Variants in DACH1 observed in about 807,000 individuals in gnomAD.
DACH1 encodes dachshund homolog 1.
Under a neutral mutation model 54.2 loss-of-function variants are expected in DACH1, and 12 were observed. The ratio of observed to expected loss-of-function variants is 0.22; its 90% confidence interval spans 0.14 to 0.36. DACH1 has a LOEUF of 0.36. Among genes scored for constraint, DACH1 ranks in the 10% least tolerant of loss-of-function variants. DACH1 has a pLI of 1.00. For missense variants in DACH1, 805 were observed against 929.8 expected, an observed-to-expected ratio of 0.87 and a Z score of 1.75; for synonymous variants, 386 against 366.2, an observed-to-expected ratio of 1.05 and a Z score of -0.62.
chr13:71,501,579 G>C (rs1467860855), intron 6 of DACH1, among the ~76,000 whole-genome samples: 1 of 152,176 alleles, frequency 6.6e-6, no homozygotes, highest in East Asian at 1.9e-4. Context: ...GATTTGCCTT[G>C]AGATGACCAT....
Position 71,747,307 on chromosome 13 carries a change from C to T in DACH1, c.849-65397G>A, listed in dbSNP as rs1335745790. ...AAATCAGTCATCCCAGGCCTGGCGT[C>T]GTGGCTCATGCCTGTAATCCTGGCA... On this transcript the variant is annotated intron_variant, in intron 1 of 10. Coordinates refer to ENST00000613252, the MANE Select transcript of DACH1 (RefSeq NM_080759.6). Among the ~76,000 whole-genome samples the T allele has an allele frequency of 3.3e-5, 5 of 151,960 alleles. 1 individual carries two copies. Among genetic ancestry groups the T allele is most frequent in the Middle Eastern group, 6.3e-3 (2 of 316 alleles).
intron 1 of DACH1, among the ~76,000 whole-genome samples, chr13:71,778,496 A>G (rs1283597866): frequency 6.6e-6 from 1 of 152,144 alleles, no homozygotes; most frequent in Non-Finnish European, 1.5e-5. Context: ...TTATAGCTTT[A>G]TAATGTTGAA....
chr13:71,483,201 A>T (rs1878200863), intron 7 of DACH1, among the ~76,000 whole-genome samples: 1 of 151,900 alleles, frequency 6.6e-6, no homozygotes, highest in African/African-American at 2.4e-5. Flanking sequence ...TGACAGGAAC[A>T]AAGAAGAGAA....
In DACH1 at chr13:71,682,018, C is replaced by T. The variant is rs552429341; in HGVS notation, c.849-108G>A. The T allele has an allele frequency of 5.2e-4, 317 of 614,452 alleles. 1 individual carries two copies. In the African/African-American group the frequency reaches 5.4e-3, roughly 10 times the overall value. The allele number at this position is 614,452 out of a possible 1,614,324, so 38.1% of individuals were successfully genotyped here. On this transcript the variant is annotated intron_variant, in intron 1 of 10. Coordinates refer to ENST00000613252, the MANE Select transcript of DACH1 (RefSeq NM_080759.6). ...ACTGTAAATAAATTTGTTTCAAGGA[C>T]GGTTGCTTTTGCAGTTAGATGTAAT... is the stretch of plus-strand genomic sequence containing the variant.
chr13:71,568,970 T>C (rs1566348194), intron 4 of DACH1, among the ~76,000 whole-genome samples: 1 of 152,036 alleles, frequency 6.6e-6, no homozygotes, highest in African/African-American at 2.4e-5. Context: ...CTAAAGAGTA[T>C]GTCAATTTCC....
rs551742550 is a variant in DACH1, at chr13:71,552,566, C to T, written c.1570+4458G>A. Among the ~76,000 whole-genome samples, 13 of 151,306 alleles carry T rather than the reference C, an allele frequency of 8.6e-5. No individual in the cohort carries two copies. The East Asian group carries it at 2.0e-3, about 23-fold the overall frequency. ...ATGAGAGAGCAACACTGTAAACTAG[C>T]GTCAGTGGACAAATGTGTGGAGGAT... On this transcript the variant is annotated intron_variant, in intron 6 of 10. Transcript: ENST00000613252.
chr13:71,698,245 C>A (rs570797128), intron 1 of DACH1, among the ~76,000 whole-genome samples: 102 of 151,900 alleles, frequency 6.7e-4, no homozygotes, highest in Non-Finnish European at 9.3e-4. Flanking sequence ...TAATAAATGG[C>A]AAATGCATAT....
At chr13:71,676,370 A>G (rs909000719) in intron 2 of DACH1, among the ~76,000 whole-genome samples, 1 of 152,270 alleles carries the variant, frequency 6.6e-6, no homozygotes, top group East Asian at 1.9e-4. Context: ...GGCACCTGCC[A>G]CCATGCCCAG....
At chr13:71,617,557 CT>C (rs1875876346) in intron 3 of DACH1, among the ~76,000 whole-genome samples, 1 of 152,146 alleles carries the variant, frequency 6.6e-6, no homozygotes, top group Non-Finnish European at 1.5e-5. Flanking sequence ...TTCATTCTGG[CT>C]GAACATACTT....
chr13:71,646,293 C>T (rs1014641541), intron 2 of DACH1, among the ~76,000 whole-genome samples: 11 of 150,916 alleles, frequency 7.3e-5, no homozygotes, highest in South Asian at 2.1e-4. Context: ...GCCGAGACTG[C>T]GCCATTGCAC....
At chr13:71,792,263 T>G (rs303947) in intron 1 of DACH1, among the ~76,000 whole-genome samples, 77,515 of 151,684 alleles carry the variant, frequency 0.51, 21,248 homozygotes, top group East Asian at 0.86. Flanking sequence ...TAGATAGAAA[T>G]AAATAATTAA....
chr13:71,647,387 ATT>A (rs969859908), intron 2 of DACH1, among the ~76,000 whole-genome samples: 1 of 152,064 alleles, frequency 6.6e-6, no homozygotes, highest in Non-Finnish European at 1.5e-5. Context: ...CTAGAACCCA[ATT>A]TTTTTTCCAT....
chr13:71,466,028 T>A (rs1023353473), intron 10 of DACH1, among the ~76,000 whole-genome samples: 1 of 152,188 alleles, frequency 6.6e-6, no homozygotes, highest in Non-Finnish European at 1.5e-5. Flanking sequence ...CTTACAAAGG[T>A]AATCTTATTT....
intron 3 of DACH1, among the ~76,000 whole-genome samples, chr13:71,590,935 G>A (rs1873669127): frequency 1.4e-5 from 2 of 137,990 alleles, no homozygotes; most frequent in South Asian, 4.6e-4. Context: ...CGGGAGTGCA[G>A]GGGCGCCATC....
chr13:71,500,802 A>C (rs1005897081), intron 6 of DACH1, among the ~76,000 whole-genome samples: 1 of 152,060 alleles, frequency 6.6e-6, no homozygotes, highest in Non-Finnish European at 1.5e-5. Context: ...TCTCTCACTC[A>C]AACTTCTATC....
At chr13:71,631,552 C>T (rs1877103577) in intron 2 of DACH1, among the ~76,000 whole-genome samples, 1 of 152,184 alleles carries the variant, frequency 6.6e-6, no homozygotes, top group Non-Finnish European at 1.5e-5. Context: ...TGAAAGCTAA[C>T]ACTTAGCTTC....
intron 1 of DACH1, among the ~76,000 whole-genome samples, chr13:71,824,916 T>G (rs969956797): frequency 6.6e-6 from 1 of 152,092 alleles, no homozygotes; most frequent in Non-Finnish European, 1.5e-5. Context: ...TTAATACTGT[T>G]GCTTAAAATT....
intron 1 of DACH1, among the ~76,000 whole-genome samples, chr13:71,697,953 T>C (rs1026971264): frequency 6.6e-6 from 1 of 152,170 alleles, no homozygotes; most frequent in Non-Finnish European, 1.5e-5. Flanking sequence ...TAATACTTTA[T>C]AAGAATGACA....
intron 3 of DACH1, among the ~76,000 whole-genome samples, chr13:71,608,536 T>A (rs755772412): frequency 6.6e-6 from 1 of 152,030 alleles, no homozygotes; most frequent in Non-Finnish European, 1.5e-5. Context: ...CAGAAATTCT[T>A]AAAAATAAAC....
Sources: gnomAD v4.1 joint callset for allele counts (sites outside exome capture counted in the v4.1 genomes callset) on GRCh38, gnomAD v4.1.1 for gene constraint, MANE v1.5 for transcripts, NCBI Gene and HGNC (gene_info 2026-07-23, HGNC 2026-07-21) for gene names.